CLVS1: variants seen among roughly 807,000 people sequenced by gnomAD.
The protein encoded by CLVS1 is clavesin-1.
In CLVS1, 10 loss-of-function variants were observed where a neutral mutation model predicts 33.1. That is an observed-to-expected ratio of 0.30 (90% CI 0.19 to 0.51). CLVS1 has a LOEUF of 0.51. Among genes scored for constraint, CLVS1 ranks in the 20% least tolerant of loss-of-function variants. The pLI, the probability that CLVS1 is intolerant of heterozygous loss-of-function variation, is 0.97. For synonymous variants in CLVS1, 163 were observed against 166.1 expected (o/e 0.98, Z 0.14); for missense variants, 343 against 433.4 (o/e 0.79, Z 1.85).
At chr8:61,214,954 T>C (rs996343240) in intron 2 of CLVS1, among the ~76,000 whole-genome samples, 3 of 152,184 alleles carry the variant, frequency 2.0e-5, no homozygotes, top group East Asian at 1.9e-4. Context: ...GCTGGCAAAA[T>C]TGAGCTCCTG....
At chr8:60,985,367 C>G in the CLVS1 span, among the ~76,000 whole-genome samples, 2 of 151,982 alleles carry the variant, frequency 1.3e-5, no homozygotes, top group African/African-American at 4.8e-5. Context: ...CTCAATCTAC[C>G]AGCCTGAGAG....
intron 3 of CLVS1, among the ~76,000 whole-genome samples, chr8:61,424,425 A>C (rs184448825): frequency 1.3e-5 from 2 of 152,344 alleles, no homozygotes; most frequent in East Asian, 3.9e-4. Context: ...CATAGATGTC[A>C]AACTAGCTTA....
At chr8:61,226,475 G>A (rs1808331793) in intron 2 of CLVS1, among the ~76,000 whole-genome samples, 1 of 152,100 alleles carries the variant, frequency 6.6e-6, no homozygotes, top group African/African-American at 2.4e-5. Flanking sequence ...CTTCAGCCTT[G>A]GCCCTTAAAA....
intron 2 of CLVS1, among the ~76,000 whole-genome samples, chr8:61,253,281 A>G (rs976465146): frequency 1.3e-5 from 2 of 152,188 alleles, no homozygotes; most frequent in African/African-American, 2.4e-5. Flanking sequence ...AGTTTTTGCC[A>G]AGAGATCAGC....
At chr8:61,476,404 T>C (rs904427337) in intron 5 of CLVS1, among the ~76,000 whole-genome samples, 31 of 152,162 alleles carry the variant, frequency 2.0e-4, no homozygotes, top group African/African-American at 7.5e-4. Flanking sequence ...GCCATTTTCA[T>C]GATATTGATT....
chr8:61,142,692 G>T (rs548261056), intron 2 of CLVS1, among the ~76,000 whole-genome samples: 1 of 152,294 alleles, frequency 6.6e-6, no homozygotes, highest in South Asian at 2.1e-4. Context: ...AGCAAAACAG[G>T]CTTCTCATGC....
chr8:61,500,568 G>C lies in CLVS1; in HGVS notation c.*1026G>C, dbSNP rs1348133503. The C allele has an allele frequency of 6.6e-6, 1 of 152,070 alleles. No individual in the cohort carries two copies. The highest frequency in any genetic ancestry group is 1.5e-5 in the Non-Finnish European group (1 of 67,994). The allele number at this position is 152,070 out of a possible 1,614,324, so 9.4% of individuals were successfully genotyped here. A position where few individuals can be genotyped will look rare whatever the true frequency, so the allele number is the denominator to read the frequency against. On this transcript the variant is annotated 3_prime_UTR_variant, in exon 6 of 6. Transcript: ENST00000325897. ...TAGAAATGCAGGATGAAATGTCAAA[G>C]GTCATTTTATTTACCTAGTCTCCTT... is the stretch of plus-strand genomic sequence containing the variant.
chr8:61,146,216 T>G (rs779603941), intron 2 of CLVS1, among the ~76,000 whole-genome samples: 1 of 152,168 alleles, frequency 6.6e-6, no homozygotes, highest in Non-Finnish European at 1.5e-5. Context: ...TTAGCTGAAT[T>G]CACATGTGAA....
At chr8:61,180,773 T>C (rs1479051094) in intron 2 of CLVS1, among the ~76,000 whole-genome samples, 3 of 152,184 alleles carry the variant, frequency 2.0e-5, no homozygotes, top group African/African-American at 2.4e-5. Flanking sequence ...AAAAGGCCTT[T>C]GATAAAATTC....
chr8:61,462,191 C>G (rs1207384525), intron 5 of CLVS1, among the ~76,000 whole-genome samples: 2 of 152,162 alleles, frequency 1.3e-5, no homozygotes, highest in Non-Finnish European at 2.9e-5. Context: ...CGGTTGGGCT[C>G]AACTTCTTCC....
chr8:61,114,294 A>G (rs1805679395), intron 1 of CLVS1, among the ~76,000 whole-genome samples: 1 of 152,224 alleles, frequency 6.6e-6, no homozygotes, highest in Non-Finnish European at 1.5e-5. Context: ...TGGTGGGTCA[A>G]TCCCACCCAT....
At chr8:61,222,978 G>A (rs4033617) in intron 2 of CLVS1, among the ~76,000 whole-genome samples, 1 of 128,880 alleles carries the variant, frequency 7.8e-6, no homozygotes, top group Non-Finnish European at 1.6e-5. Flanking sequence ...TTTTGTCAGA[G>A]ACTAGGATTG....
intron 4 of CLVS1, among the ~76,000 whole-genome samples, chr8:61,457,491 G>T (rs1817210340): frequency 6.6e-6 from 1 of 151,950 alleles, no homozygotes; most frequent in African/African-American, 2.4e-5. Context: ...GGAAATAATT[G>T]TAACTTGGAG....
intron 3 of CLVS1, among the ~76,000 whole-genome samples, chr8:61,426,927 C>G (rs1585957534): frequency 6.6e-6 from 1 of 152,138 alleles, no homozygotes; most frequent in East Asian, 1.9e-4. Context: ...CAGTTGTTAG[C>G]AGCTTTCTGA....
chr8:60,998,858 G>A, the CLVS1 span, among the ~76,000 whole-genome samples: 1 of 152,224 alleles, frequency 6.6e-6, no homozygotes, highest in Non-Finnish European at 1.5e-5. Context: ...GCCGGACTCT[G>A]TCTGCTGGGA....
chr8:61,029,594 TTTTTTTTATTAA>T, the CLVS1 span, among the ~76,000 whole-genome samples: 3 of 151,814 alleles, frequency 2.0e-5, no homozygotes, highest in East Asian at 5.8e-4. Context: ...AAATTTCTTT[TTTTTTTTATTAA>T]TTTTTTTATT....
intron 2 of CLVS1, among the ~76,000 whole-genome samples, chr8:61,219,484 C>T (rs1361583239): frequency 6.6e-6 from 1 of 152,184 alleles, no homozygotes; most frequent in Non-Finnish European, 1.5e-5. Context: ...GATCTCATTC[C>T]CTTTTACAGC....
At chr8:61,372,825 G>C (rs564963667) in intron 2 of CLVS1, among the ~76,000 whole-genome samples, 1 of 152,110 alleles carries the variant, frequency 6.6e-6, no homozygotes, top group East Asian at 1.9e-4. Flanking sequence ...ATTACTCTTG[G>C]GTTATATTTA....
intron 1 of CLVS1, among the ~76,000 whole-genome samples, chr8:61,068,195 A>ATATG (rs1804717177): frequency 1.7e-5 from 2 of 120,204 alleles, no homozygotes; most frequent in Admixed American, 8.4e-5. Context: ...ATATATGTGT[A>ATATG]TATGTATATA....
Sources: allele counts gnomAD v4.1 joint callset (sites outside exome capture counted in the v4.1 genomes callset), GRCh38; gene constraint gnomAD v4.1.1; transcripts MANE v1.5; gene names NCBI Gene and HGNC (gene_info 2026-07-23, HGNC 2026-07-21).